Variants in PPP2R3B observed in about 807,000 individuals in gnomAD.
PPP2R3B encodes the protein protein phosphatase 2 regulatory subunit B''beta.
A neutral mutation model predicts 72.9 loss-of-function variants in PPP2R3B; 68 were observed. The ratio of observed to expected loss-of-function variants is 0.93; its 90% CI spans 0.77 to 1.14. PPP2R3B has a LOEUF of 1.14. Among genes scored for constraint, PPP2R3B ranks in the 50% most tolerant of loss-of-function variants. The pLI is 0.00. For synonymous variants in PPP2R3B, 466 were observed against 375.8 expected, an observed-to-expected ratio of 1.24 and a Z score of -2.78; for missense variants, 1,018 against 842.0, an observed-to-expected ratio of 1.21 and a Z score of -2.59.
intron 1 of PPP2R3B, chrX:374,060 AG>A: frequency 6.6e-6 from 1 of 152,238 alleles, no homozygotes; most frequent in African/African-American, 2.4e-5. Flanking sequence ...CTCGCCCTGG[AG>A]CGCGCATCAA....
At chrX:353,417 T>G (rs1418271206) in intron 2 of PPP2R3B, among the ~76,000 whole-genome samples, 1 of 151,916 alleles carries the variant, frequency 6.6e-6, no homozygotes, top group Non-Finnish European at 1.5e-5. Flanking sequence ...CTGTGTTTAT[T>G]GAAACAATTC....
chrX:377,868 G>A (rs5987293), intron 1 of PPP2R3B, among the ~76,000 whole-genome samples: 25,044 of 50,896 alleles, frequency 0.49, 7,418 homozygotes, highest in African/African-American at 0.77. Flanking sequence ...TGGGTCCGCC[G>A]TGGGGCTGTC....
intron 2 of PPP2R3B, among the ~76,000 whole-genome samples, chrX:358,175 C>T (rs886239219): frequency 7.2e-5 from 11 of 152,314 alleles, no homozygotes; most frequent in Admixed American, 1.3e-4. Flanking sequence ...CACAGAAAAC[C>T]GTCCCAAAGG....
At chrX:354,608 T>C (rs2071403498) in intron 2 of PPP2R3B, among the ~76,000 whole-genome samples, 1 of 152,136 alleles carries the variant, frequency 6.6e-6, no homozygotes, top group African/African-American at 2.4e-5. Flanking sequence ...CCCAGCACCA[T>C]GAGAGGCTGA....
chrX:370,982 G>C (rs2071848888), intron 1 of PPP2R3B, among the ~76,000 whole-genome samples: 1 of 152,192 alleles, frequency 6.6e-6, no homozygotes, highest in African/African-American at 2.4e-5. Flanking sequence ...GACAGGTGAA[G>C]AGGGGCGTCT....
chrX:345,534 C>A lies in PPP2R3B; in HGVS notation c.1018G>T (p.Ala340Ser), dbSNP rs201569532. The A allele has an allele frequency of 6.8e-6, 11 of 1,613,056 alleles. No individual in the cohort carries two copies. In the East Asian group the frequency reaches 2.5e-4, roughly 36 times the overall value. Residue 340 changes from alanine (A) to serine (S), a missense_variant, in exon 7 of 13, where the codon GCG becomes TCG. Transcript: ENST00000390665. ...HDLLIDADDL[A>S]RHNDHALSTK... is the part of the protein sequence containing the mutation. ...CACGCACCGTGGTCATTGTGCCGCG[C>A]CAGGTCGTCCGCGTCGATGAGCAGG... is the stretch of plus-strand genomic sequence containing the variant.
Position 345,595 on chromosome X carries a change from G to A in PPP2R3B, c.957C>T (p.Ile319=). Residue 319 remains isoleucine, a synonymous_variant, in exon 7 of 13, where the codon ATC becomes ATT. Coordinates refer to ENST00000390665, the MANE Select transcript of PPP2R3B (RefSeq NM_013239.5). ...EFFSYEHFYV[I]YCKFWELDTD... is the part of the protein sequence containing the mutation. ...TGTCCAGCTCCCAGAACTTGCAGTA[G>A]ATGACGTAGAAATGCTCGTACGAGA... 1 of 1,613,342 alleles carries A rather than the reference G, an allele frequency of 6.2e-7. No individual in the cohort carries two copies. The highest frequency in any genetic ancestry group is 8.5e-7 in the Non-Finnish European group (1 of 1,179,568).
chrX:379,464 G>A lies in PPP2R3B; in HGVS notation c.324+6904C>T, dbSNP rs1364590197. Among the ~76,000 whole-genome samples the A allele has an allele frequency of 2.7e-5, 4 of 150,356 alleles. No homozygotes were observed. The East Asian group carries it at 7.7e-4, about 29-fold the overall frequency. ...CACCTGTGTGTGTGTATGCACCTGT[G>A]TGTTTGTGTGTATGCACCTGTGTGT... On this transcript the variant is annotated intron_variant, in intron 1 of 12. Transcript: ENST00000390665.
intron 1 of PPP2R3B, among the ~76,000 whole-genome samples, chrX:364,654 GTT>G (rs2071657774): frequency 2.2e-5 from 3 of 135,292 alleles, no homozygotes; most frequent in East Asian, 2.4e-4. Flanking sequence ...GGAGGCGGAG[GTT>G]GCAGTGAGCT....
chrX:367,083 C>T (rs1429506337), intron 1 of PPP2R3B, among the ~76,000 whole-genome samples: 1 of 144,426 alleles, frequency 6.9e-6, no homozygotes, highest in East Asian at 2.0e-4. Flanking sequence ...ATTTACAGAG[C>T]ATGCACCCCA....
intron 1 of PPP2R3B, among the ~76,000 whole-genome samples, chrX:366,908 A>C (rs56109703): frequency 0.11 from 14,600 of 127,788 alleles, 40 homozygotes; most frequent in Middle Eastern, 0.15. Flanking sequence ...CATGCCTGTA[A>C]TCCCAGCTAC....
chrX:369,644 C>A (rs1201529564), intron 1 of PPP2R3B, among the ~76,000 whole-genome samples: 1 of 152,222 alleles, frequency 6.6e-6, no homozygotes, highest in South Asian at 2.1e-4. Context: ...CCTCTCGCGA[C>A]ACCAGCCTCG....
chrX:344,935 G>A (rs2071164543), intron 7 of PPP2R3B: 5 of 345,598 alleles, frequency 1.4e-5, no homozygotes, highest in African/African-American at 4.4e-5. Flanking sequence ...GGGGTAAAAA[G>A]CACACTTAAA....
rs1440333686 is a variant in PPP2R3B at position 357,270 on chromosome X, G to C, written c.510+4135C>G. On this transcript the variant is annotated intron_variant, in intron 2 of 12. Coordinates refer to ENST00000390665, the MANE Select transcript of PPP2R3B (RefSeq NM_013239.5). Reference sequence around the variant, plus strand: ...ACGGCCGGTCCTGCCTATGAGGATGGATACCCAGGTGTGTGCTTTACCAAA... The same window carrying C: ...ACGGCCGGTCCTGCCTATGAGGATGCATACCCAGGTGTGTGCTTTACCAAA... Among the ~76,000 whole-genome samples, 4 of 152,238 alleles carry C rather than the reference G, an allele frequency of 2.6e-5. No individual in the cohort carries two copies. The East Asian group carries it at 5.8e-4, about 22-fold the overall frequency.
chrX:367,819 T>C (rs2071755558), intron 1 of PPP2R3B, among the ~76,000 whole-genome samples: 1 of 152,140 alleles, frequency 6.6e-6, no homozygotes, highest in South Asian at 2.1e-4. Context: ...AGGAGATATA[T>C]GTGACTTAAG....
intron 1 of PPP2R3B, among the ~76,000 whole-genome samples, chrX:367,558 C>T (rs964355914): frequency 2.0e-5 from 3 of 152,126 alleles, no homozygotes; most frequent in Admixed American, 6.6e-5. Flanking sequence ...GCCCCGTGCC[C>T]GGCCAGCCAT....
chrX:334,427 C>A lies in PPP2R3B; in HGVS notation c.1668G>T (p.Pro556=), dbSNP rs369767636. 1.3e-6 allele frequency: 2 copies of A among 1,593,704 alleles called. No homozygotes were observed. The highest frequency in any genetic ancestry group is 2.7e-5 in the African/African-American group (2 of 73,830). ...AQRPFFEAPS[P]LGAVDLYEYA... ...ACTCGTACAGGTCCACGGCGCCCAGCGGTGAGGGCGCCTCGAAGAAGGGCC... is the reference window on the plus strand; with the variant it reads ...ACTCGTACAGGTCCACGGCGCCCAGAGGTGAGGGCGCCTCGAAGAAGGGCC... Residue 556 remains proline (P), a synonymous_variant, in exon 13 of 13, where the codon CCG becomes CCT. Coordinates refer to ENST00000390665, the MANE Select transcript of PPP2R3B (RefSeq NM_013239.5).
intron 2 of PPP2R3B, among the ~76,000 whole-genome samples, chrX:360,314 A>T (rs1367733307): frequency 6.6e-6 from 1 of 152,198 alleles, no homozygotes; most frequent in Non-Finnish European, 1.5e-5. Context: ...CAGGCGGATC[A>T]CTTGAAGTCA....
chrX:352,313 C>T (rs2071347180), intron 2 of PPP2R3B, among the ~76,000 whole-genome samples: 3 of 152,252 alleles, frequency 2.0e-5, no homozygotes, highest in Admixed American at 1.3e-4. Flanking sequence ...GGCACGCCCA[C>T]CCGCACGGCC....
Sources: gnomAD v4.1 joint callset for allele counts (sites outside exome capture counted in the v4.1 genomes callset) on GRCh38, gnomAD v4.1.1 for gene constraint, MANE v1.5 for transcripts, NCBI Gene and HGNC (gene_info 2026-07-23, HGNC 2026-07-21) for gene names.